The following DPY19L1 variants were observed in gnomAD, a reference collection of about 807,000 sequenced individuals.
DPY19L1 encodes dpy-19 like C-mannosyltransferase 1, also known as protein C-mannosyl-transferase DPY19L1.
In DPY19L1, 35 loss-of-function variants were observed where a neutral mutation model predicts 96.9. The ratio of observed to expected loss-of-function variants is 0.36; its 90% CI spans 0.28 to 0.48. The LOEUF is 0.48. DPY19L1 is among the 20% of genes least tolerant of loss of function. The pLI, the probability that DPY19L1 is intolerant of heterozygous loss-of-function variation, is 0.99. For missense variants in DPY19L1, 521 were observed against 777.9 expected, an observed-to-expected ratio of 0.67 and a Z score of 3.93; for synonymous variants, 205 against 252.6, an observed-to-expected ratio of 0.81 and a Z score of 1.79.
intron 1 of DPY19L1, among the ~76,000 whole-genome samples, chr7:35,023,060 G>A (rs1214753063): frequency 6.6e-6 from 1 of 152,170 alleles, no homozygotes; most frequent in Non-Finnish European, 1.5e-5. Context: ...GGGCAAGTGG[G>A]GAGGGGAGTT....
intron 7 of DPY19L1, among the ~76,000 whole-genome samples, chr7:34,978,056 A>T (rs1481401159): frequency 6.6e-6 from 1 of 152,138 alleles, no homozygotes; most frequent in Non-Finnish European, 1.5e-5. Flanking sequence ...AGGAATCTCA[A>T]AAGTAGCTTA....
intron 1 of DPY19L1, among the ~76,000 whole-genome samples, chr7:35,033,582 AT>A (rs1416357608): frequency 1.3e-5 from 2 of 152,208 alleles, no homozygotes; most frequent in African/African-American, 4.8e-5. Flanking sequence ...GGTGAGAAAT[AT>A]TAAAGGAGTG....
intron 3 of DPY19L1, among the ~76,000 whole-genome samples, chr7:35,015,954 A>G (rs1333227664): frequency 1.3e-5 from 2 of 152,236 alleles, no homozygotes; most frequent in East Asian, 3.8e-4. Context: ...TAACAAATCA[A>G]TAATTTGAAA....
At chr7:35,014,114 T>C (rs199925861) in intron 3 of DPY19L1, among the ~76,000 whole-genome samples, 1 of 152,184 alleles carries the variant, frequency 6.6e-6, no homozygotes, top group African/African-American at 2.4e-5. Flanking sequence ...AACTGCTTAT[T>C]TTAATCCCCA....
Position 34,959,927 on chromosome 7 carries a change from A to ATATATATATATATATT in DPY19L1, c.1093-1858_1093-1857insAATATATATATATATA, listed in dbSNP as rs1784465934. 6.2e-4 allele frequency among the ~76,000 whole-genome samples: 17 copies of ATATATATATATATATT among 27,392 alleles called. 1 individual carries two copies. The highest frequency in any genetic ancestry group is 4.7e-3 in the Admixed American group (11 of 2,356). 18.0% of individuals were successfully genotyped at this position (27,392 alleles called of 152,430 possible). On this transcript the variant is annotated intron_variant, in intron 10 of 21. Coordinates refer to ENST00000638088, the MANE Select transcript of DPY19L1 (RefSeq NM_001366673.1). The stretch of plus-strand genomic sequence containing the variant: ...TATATATATATATATATATATATTT[A>ATATATATATATATATT]TATATATATATATATATATAAAAGA...
Position 35,013,717 on chromosome 7 carries a change from A to T in DPY19L1, c.412-12T>A. 6.4e-7 allele frequency: 1 copy of T among 1,572,482 alleles called. No homozygotes were observed. The highest frequency in any genetic ancestry group is 8.6e-7 in the Non-Finnish European group (1 of 1,156,734). ...GAATAATATAGTCCCTGAAATAAAGATATGCTCAATTAAAATAACAAAAGG... is the reference window on the plus strand; with the variant it reads ...GAATAATATAGTCCCTGAAATAAAGTTATGCTCAATTAAAATAACAAAAGG... On this transcript the variant is annotated splice_polypyrimidine_tract_variant and intron_variant, in intron 3 of 21. Transcript: ENST00000638088.
chr7:34,971,104 G>A lies in DPY19L1; in HGVS notation c.915-1572C>T, dbSNP rs186182595. 3.9e-4 allele frequency among the ~76,000 whole-genome samples: 60 copies of A among 152,098 alleles called. 1 individual carries two copies. Among genetic ancestry groups the A allele is most frequent in the African/African-American group, 9.9e-4 (41 of 41,486 alleles). ...TTCTTCTTGCCTCCACCAAGCCATCGCCACCCACCACCTCCCTCTAATGTC... is the reference window on the plus strand; with the variant it reads ...TTCTTCTTGCCTCCACCAAGCCATCACCACCCACCACCTCCCTCTAATGTC... On this transcript the variant is annotated intron_variant, in intron 8 of 21. Coordinates refer to ENST00000638088, the MANE Select transcript of DPY19L1 (RefSeq NM_001366673.1).
At chr7:34,932,808 T>A (rs1322785522) in intron 21 of DPY19L1, among the ~76,000 whole-genome samples, 1 of 152,266 alleles carries the variant, frequency 6.6e-6, no homozygotes, top group East Asian at 1.9e-4. Context: ...CAGAAAAACA[T>A]GGGAAAATTA....
At chr7:35,020,257 T>C (rs1158695598) in intron 1 of DPY19L1, among the ~76,000 whole-genome samples, 1 of 152,254 alleles carries the variant, frequency 6.6e-6, no homozygotes, top group African/African-American at 2.4e-5. Context: ...ACTTTTATCA[T>C]ACTGAAGACT....
intron 3 of DPY19L1, among the ~76,000 whole-genome samples, chr7:35,015,082 C>A (rs1785810835): frequency 6.6e-6 from 1 of 152,178 alleles, no homozygotes; most frequent in Non-Finnish European, 1.5e-5. Context: ...TATATTTCTG[C>A]TGTTTTAAGC....
intron 13 of DPY19L1, among the ~76,000 whole-genome samples, chr7:34,952,524 T>A (rs1270221341): frequency 2.0e-5 from 3 of 152,130 alleles, no homozygotes; most frequent in Non-Finnish European, 4.4e-5. Context: ...ACAGGACACT[T>A]GCAAATAATT....
At chr7:35,035,577 A>T (rs190706732) in intron 1 of DPY19L1, among the ~76,000 whole-genome samples, 11 of 152,216 alleles carry the variant, frequency 7.2e-5, no homozygotes, top group African/African-American at 2.7e-4. Context: ...CTGTCATCAG[A>T]TCTCAAATCA....
At chr7:34,975,291 C>T (rs1784808814) in intron 7 of DPY19L1, among the ~76,000 whole-genome samples, 1 of 152,154 alleles carries the variant, frequency 6.6e-6, no homozygotes, top group South Asian at 2.1e-4. Flanking sequence ...AAAAGTGAAA[C>T]AACCTTATTG....
At chr7:35,036,916 G>A (rs1276713181) in intron 1 of DPY19L1, among the ~76,000 whole-genome samples, 181 bp downstream of exon 1, 5 of 151,560 alleles carry the variant, frequency 3.3e-5, no homozygotes, top group African/African-American at 1.2e-4. Context: ...TTGCGGGGAG[G>A]AGAAGGTAAG....
intron 3 of DPY19L1, 74 bp from the exon 4 acceptor site, chr7:35,013,779 G>T: frequency 8.1e-7 from 1 of 1,239,724 alleles, no homozygotes; most frequent in Non-Finnish European, 1.1e-6. Context: ...TAAATACACT[G>T]TTTTTGAAAA....
At position 34,936,211 on chromosome 7, in the gene DPY19L1, T is replaced by A. The variant is rs551497131; in HGVS notation, c.2090+1783A>T. Among the ~76,000 whole-genome samples, 808 of 152,278 alleles carry A rather than the reference T, an allele frequency of 5.3e-3. 1 individual carries two copies. Among genetic ancestry groups the A allele is most frequent in the African/African-American group, 0.019 (770 of 41,534 alleles). ...AGTGTGCAAAGTTTATTGCCATACA[T>A]CCTGAATTTGCCTTCATATCCCTTC... On this transcript the variant is annotated intron_variant, in intron 21 of 21. Transcript: ENST00000638088.
In DPY19L1 at chr7:34,961,854, CA is replaced by C. The variant is rs1011666051; in HGVS notation, c.1093-3785del. 2.6e-5 allele frequency among the ~76,000 whole-genome samples: 4 copies of C among 151,508 alleles called. No individual in the cohort carries two copies. In the South Asian group the frequency reaches 6.2e-4, roughly 24 times the overall value. ...TTCACCAAAAAAGATACACAGATGG[CA>C]AAAAAAAGTATATTAAAAGATGTTC... On this transcript the variant is annotated intron_variant, in intron 10 of 21. Coordinates refer to ENST00000638088, the MANE Select transcript of DPY19L1 (RefSeq NM_001366673.1).
intron 3 of DPY19L1, among the ~76,000 whole-genome samples, chr7:35,014,188 G>C (rs1785783204): frequency 6.6e-6 from 1 of 152,066 alleles, no homozygotes; most frequent in Non-Finnish European, 1.5e-5. Context: ...TGTTGAGAAG[G>C]CTACACACTG....
At chr7:34,998,379 G>A (rs970613150) in intron 6 of DPY19L1, among the ~76,000 whole-genome samples, 5 of 152,130 alleles carry the variant, frequency 3.3e-5, no homozygotes, top group African/African-American at 9.7e-5. Flanking sequence ...TGTAGAGTTC[G>A]TGAAAAAGAT....
Sources: gnomAD v4.1 joint callset for allele counts (sites outside exome capture counted in the v4.1 genomes callset) on GRCh38, gnomAD v4.1.1 for gene constraint, MANE v1.5 for transcripts, NCBI Gene and HGNC (gene_info 2026-07-23, HGNC 2026-07-21) for gene names.